AGBL2: variants seen among roughly 807,000 people sequenced by gnomAD.
AGBL2 encodes the protein AGBL carboxypeptidase 2.
AGBL2 carries 87 observed loss-of-function variants against 103.0 expected under a neutral mutation model. That is an observed-to-expected ratio of 0.84 (90% confidence interval 0.71 to 1.01). AGBL2 has a LOEUF of 1.01. Ranked by LOEUF, AGBL2 falls within the 50% of genes least tolerant of loss-of-function variation. The pLI, the probability that AGBL2 is intolerant of heterozygous loss-of-function variation, is 0.00. For synonymous variants in AGBL2, 335 were observed against 356.7 expected (o/e 0.94, Z 0.69); for missense variants, 904 against 1,023.5 (o/e 0.88, Z 1.59).
intron 14 of AGBL2, among the ~76,000 whole-genome samples, chr11:47,669,689 A>G (rs886217921): frequency 4.6e-5 from 7 of 152,068 alleles, no homozygotes; most frequent in Non-Finnish European, 1.0e-4. Flanking sequence ...ATAAAAAAAA[A>G]AAAGAAAAAT....
chr11:47,662,466 C>T (rs566127097), intron 18 of AGBL2, among the ~76,000 whole-genome samples: 1 of 149,728 alleles, frequency 6.7e-6, no homozygotes, highest in African/African-American at 2.5e-5. Context: ...AGGTGTGAGC[C>T]ACTGCACCTG....
At chr11:47,710,614 CA>C in intron 3 of AGBL2, 103 bp from the exon 4 acceptor site, 2 of 1,376,884 alleles carry the variant, frequency 1.5e-6, no homozygotes, top group Non-Finnish European at 2.0e-6. Flanking sequence ...CACCCACCAC[CA>C]CAGCCCTTTG....
intron 8 of AGBL2, among the ~76,000 whole-genome samples, chr11:47,696,030 A>C (rs1212332614): frequency 1.0e-4 from 1 of 9,904 alleles, no homozygotes; most frequent in African/African-American, 1.9e-4. Context: ...AAAAAAAAAA[A>C]AAAAAAGAAA....
chr11:47,710,646 T>G, intron 3 of AGBL2, 135 bp from the exon 4 acceptor site: 3 of 1,025,876 alleles, frequency 2.9e-6, no homozygotes, highest in Non-Finnish European at 3.0e-6. Flanking sequence ...ACTGCATTTT[T>G]CAAAGAGCTT....
At chr11:47,695,752 G>A (rs1049664426) in intron 8 of AGBL2, among the ~76,000 whole-genome samples, 1 of 152,142 alleles carries the variant, frequency 6.6e-6, no homozygotes, top group African/African-American at 2.4e-5. Context: ...TCCAGCCTGG[G>A]CGACAGAGGA....
Position 47,668,822 on chromosome 11 carries a change from G to A in AGBL2, c.2214+19C>T. ...TTTTTTTAAGGCTGCTATTTCCTGG[G>A]TATAAGAGTTCAGCTTACCTCATCT... On this transcript the variant is annotated intron_variant, in intron 15 of 18. Transcript: ENST00000525123. 1 of 1,602,256 alleles carries A rather than the reference G, an allele frequency of 6.2e-7. No individual in the cohort carries two copies. The highest frequency in any genetic ancestry group is 1.3e-5 in the African/African-American group (1 of 74,726).
At position 47,693,271 on chromosome 11, in the gene AGBL2, C is replaced by T. The variant is rs1051485236; in HGVS notation, c.695-1015G>A. Among the ~76,000 whole-genome samples the T allele has an allele frequency of 2.0e-5, 3 of 152,152 alleles. No homozygotes were observed. In the East Asian group the frequency reaches 5.8e-4, roughly 29 times the overall value. ...CAAACATCTGAGTTCAAGTGAACCT[C>T]CTGCCTCAGCCTCCTGAGTAGCCTG... On this transcript the variant is annotated intron_variant, in intron 8 of 18. Coordinates refer to ENST00000525123, the MANE Select transcript of AGBL2 (RefSeq NM_024783.4).
chr11:47,683,267 G>T (rs2097409267), intron 11 of AGBL2, among the ~76,000 whole-genome samples: 1 of 152,184 alleles, frequency 6.6e-6, no homozygotes, highest in Non-Finnish European at 1.5e-5. Context: ...CAGCTACTCA[G>T]GAGGCTGAGG....
At chr11:47,673,379 A>G (rs2869532) in intron 14 of AGBL2, among the ~76,000 whole-genome samples, 46,818 of 151,806 alleles carry the variant, frequency 0.31, 8,732 homozygotes, top group African/African-American at 0.52. Flanking sequence ...TAATCCCAGG[A>G]CTTTGGGAGG....
intron 14 of AGBL2, among the ~76,000 whole-genome samples, chr11:47,674,129 A>G (rs1188254313): frequency 1.3e-5 from 2 of 152,198 alleles, no homozygotes; most frequent in Non-Finnish European, 1.5e-5. Flanking sequence ...TATAGTAAAG[A>G]CTTAAATGAT....
intron 8 of AGBL2, among the ~76,000 whole-genome samples, chr11:47,693,741 T>A (rs1336968828): frequency 1.3e-5 from 2 of 152,186 alleles, no homozygotes; most frequent in Non-Finnish European, 2.9e-5. Flanking sequence ...CTTTTCGTTC[T>A]GCATAAAAGC....
At chr11:47,676,697 T>C (rs2097375950) in intron 14 of AGBL2, among the ~76,000 whole-genome samples, 2 of 151,222 alleles carry the variant, frequency 1.3e-5, no homozygotes, top group African/African-American at 4.9e-5. Flanking sequence ...CAGGCGCCTG[T>C]AGTCCCAGCT....
At position 47,660,156 on chromosome 11, in the gene AGBL2, G is replaced by A. The variant is rs1276778172; in HGVS notation, c.*17C>T. 1.9e-6 allele frequency: 3 copies of A among 1,588,466 alleles called. No individual in the cohort carries two copies. Among genetic ancestry groups the A allele is most frequent in the Non-Finnish European group, 2.6e-6 (3 of 1,167,400 alleles). On this transcript the variant is annotated 3_prime_UTR_variant, in exon 19 of 19. Transcript: ENST00000525123. ...AAACCCCCGATGAAGTGCTTGTGTG[G>A]CACAGCCCAGGCTCACCTACGGGTA...
intron 6 of AGBL2, 104 bp from the exon 7 acceptor site, chr11:47,704,832 T>C: frequency 1.2e-6 from 1 of 836,352 alleles, no homozygotes; most frequent in Non-Finnish European, 1.8e-6. Context: ...TATTAAAATA[T>C]TAGCACAGAT....
At chr11:47,688,207 C>T (rs956727288) in intron 10 of AGBL2, among the ~76,000 whole-genome samples, 8 of 152,108 alleles carry the variant, frequency 5.3e-5, no homozygotes, top group Non-Finnish European at 8.8e-5. Context: ...GATCCTCCTG[C>T]CTCGGCCTCT....
chr11:47,687,362 A>G (rs945012436), intron 10 of AGBL2, among the ~76,000 whole-genome samples: 2 of 151,898 alleles, frequency 1.3e-5, no homozygotes, highest in Non-Finnish European at 2.9e-5. Flanking sequence ...GTTTTGTCCT[A>G]CAAAAATATA....
intron 4 of AGBL2, among the ~76,000 whole-genome samples, chr11:47,706,876 C>T (rs1306391904): frequency 1.6e-5 from 2 of 124,452 alleles, no homozygotes; most frequent in Non-Finnish European, 1.6e-5. Flanking sequence ...TGGTGAAACC[C>T]TGTCTCTACT....
chr11:47,708,830 T>A (rs61898013), intron 4 of AGBL2, among the ~76,000 whole-genome samples: 1 of 147,388 alleles, frequency 6.8e-6, no homozygotes, highest in Non-Finnish European at 1.5e-5. Flanking sequence ...AAAAAAAAAT[T>A]ATCAATATTG....
chr11:47,677,235 T>TA, intron 14 of AGBL2, 36 bp downstream of exon 14: 1 of 1,509,398 alleles, frequency 6.6e-7, no homozygotes, highest in South Asian at 1.3e-5. Flanking sequence ...AACAAAGTAT[T>TA]TAAAAAAAAA....
Sources: gnomAD v4.1 joint callset for allele counts (sites outside exome capture counted in the v4.1 genomes callset) on GRCh38, gnomAD v4.1.1 for gene constraint, MANE v1.5 for transcripts, NCBI Gene and HGNC (gene_info 2026-07-23, HGNC 2026-07-21) for gene names.